Variants in PRKCA observed in about 807,000 individuals in gnomAD.
The protein encoded by PRKCA is protein kinase C alpha type.
A neutral mutation model predicts 87.0 loss-of-function variants in PRKCA; 27 were observed. That is an observed-to-expected ratio of 0.31 (90% CI 0.23 to 0.43). The LOEUF is 0.43. Among genes scored for constraint, PRKCA ranks in the 20% least tolerant of loss-of-function variants. The pLI is 1.00. For synonymous variants in PRKCA, 329 were observed against 311.1 expected, an observed-to-expected ratio of 1.06 and a Z score of -0.61; for missense variants, 518 against 852.3, an observed-to-expected ratio of 0.61 and a Z score of 4.88.
chr17:66,516,172 T>G (rs1190863075), intron 3 of PRKCA, among the ~76,000 whole-genome samples: 1 of 152,120 alleles, frequency 6.6e-6, no homozygotes, highest in African/African-American at 2.4e-5. Flanking sequence ...GAGGCGGGGC[T>G]CCTCTGTGGG....
At chr17:66,556,660 C>G (rs1968504920) in intron 3 of PRKCA, among the ~76,000 whole-genome samples, 1 of 152,164 alleles carries the variant, frequency 6.6e-6, no homozygotes, top group Non-Finnish European at 1.5e-5. Context: ...TTTTCCCATG[C>G]TGTTCTCATG....
At chr17:66,467,955 C>G (rs1012859156) in intron 2 of PRKCA, among the ~76,000 whole-genome samples, 3 of 151,768 alleles carry the variant, frequency 2.0e-5, no homozygotes, top group African/African-American at 4.8e-5. Flanking sequence ...AACAAGTTAT[C>G]TTTCCTTGCT....
chr17:66,706,479 CAAA>C (rs398031367), intron 8 of PRKCA, among the ~76,000 whole-genome samples: 1 of 142,814 alleles, frequency 7.0e-6, no homozygotes, highest in Non-Finnish European at 1.5e-5. Context: ...ACTAAAAATA[CAAA>C]AAAAAAAAAA....
At chr17:66,552,778 A>G (rs1418541664) in intron 3 of PRKCA, among the ~76,000 whole-genome samples, 1 of 152,052 alleles carries the variant, frequency 6.6e-6, no homozygotes, top group Admixed American at 6.6e-5. Flanking sequence ...ACACTCAAGG[A>G]GAGACTACAC....
chr17:66,765,430 A>ATCTATATATCTATATCTATATC lies in PRKCA; in HGVS notation c.1525-8556_1525-8555insCTATATATCTATATCTATATCT, dbSNP rs1568020939. On this transcript the variant is annotated intron_variant, in intron 13 of 16. Transcript: ENST00000413366. ...AGCAAGACTTTGTCTATATATATAT[A>ATCTATATATCTATATCTATATC]TATATATATATATATATATATATAT... 4.1e-4 allele frequency among the ~76,000 whole-genome samples: 54 copies of ATCTATATATCTATATCTATATC among 130,880 alleles called. 2 individuals carry two copies. Among genetic ancestry groups the ATCTATATATCTATATCTATATC allele is most frequent in the African/African-American group, 1.3e-3 (45 of 34,248 alleles). 85.9% of individuals were successfully genotyped at this position (130,880 alleles called of 152,430 possible).
intron 2 of PRKCA, among the ~76,000 whole-genome samples, chr17:66,434,505 A>AG (rs1913264423): frequency 6.6e-6 from 1 of 152,128 alleles, no homozygotes; most frequent in Non-Finnish European, 1.5e-5. Context: ...AGGATGCTTA[A>AG]TTCATTCCAG....
At chr17:66,406,051 G>A (rs1247163370) in intron 2 of PRKCA, among the ~76,000 whole-genome samples, 1 of 152,152 alleles carries the variant, frequency 6.6e-6, no homozygotes, top group Admixed American at 6.5e-5. Flanking sequence ...AGTTTGCTCT[G>A]TCATCATCGA....
At chr17:66,443,924 G>A (rs944386538) in intron 2 of PRKCA, among the ~76,000 whole-genome samples, 4 of 152,136 alleles carry the variant, frequency 2.6e-5, no homozygotes, top group Non-Finnish European at 5.9e-5. Context: ...AAACGCAGGC[G>A]GTCAGGAAAT....
At chr17:66,661,272 A>G (rs1037160937) in intron 5 of PRKCA, among the ~76,000 whole-genome samples, 80 of 146,826 alleles carry the variant, frequency 5.4e-4, no homozygotes, top group African/African-American at 1.8e-3. Context: ...ACCCTGGACC[A>G]ATGGACTGTG....
At chr17:66,444,091 A>C (rs1913909878) in intron 2 of PRKCA, among the ~76,000 whole-genome samples, 1 of 152,180 alleles carries the variant, frequency 6.6e-6, no homozygotes, top group African/African-American at 2.4e-5. Flanking sequence ...ATTGTGACTC[A>C]AATGCCAGTT....
At chr17:66,444,140 A>C (rs905853442) in intron 2 of PRKCA, among the ~76,000 whole-genome samples, 4 of 152,226 alleles carry the variant, frequency 2.6e-5, no homozygotes, top group African/African-American at 9.6e-5. Flanking sequence ...GTAAATACTC[A>C]TGGATTCAAA....
chr17:66,771,062 G>A (rs1974923114), intron 13 of PRKCA, among the ~76,000 whole-genome samples: 1 of 150,528 alleles, frequency 6.6e-6, no homozygotes, highest in East Asian at 1.9e-4. Context: ...GGAGTGCAGT[G>A]GGGGCGATCT....
chr17:66,755,226 A>G (rs1196157912), intron 13 of PRKCA, among the ~76,000 whole-genome samples: 1 of 152,184 alleles, frequency 6.6e-6, no homozygotes, highest in Non-Finnish European at 1.5e-5. Context: ...GGATCGCAGA[A>G]AATCGCACCC....
intron 16 of PRKCA, among the ~76,000 whole-genome samples, chr17:66,797,822 A>G (rs1056118818): frequency 6.6e-6 from 1 of 152,190 alleles, no homozygotes; most frequent in African/African-American, 2.4e-5. Context: ...TCTCTGTCCC[A>G]TACCCATCGT....
In PRKCA at chr17:66,713,177, G is replaced by A. The variant is rs528489797; in HGVS notation, c.919-19511G>A. 4.2e-4 allele frequency among the ~76,000 whole-genome samples: 62 copies of A among 148,180 alleles called. No individual in the cohort carries two copies. In the South Asian group the frequency reaches 0.011, roughly 27 times the overall value. ...AGCAATTCTCCTGCCTCAGTCTACC[G>A]AGTAGCTGGGACTACAGGCACGCGC... On this transcript the variant is annotated intron_variant, in intron 8 of 16. Transcript: ENST00000413366.
intron 8 of PRKCA, among the ~76,000 whole-genome samples, chr17:66,704,536 G>A (rs914716173): frequency 2.0e-5 from 3 of 152,148 alleles, no homozygotes; most frequent in African/African-American, 7.2e-5. Flanking sequence ...CTCATGCAGA[G>A]AAATATGTGT....
intron 13 of PRKCA, among the ~76,000 whole-genome samples, chr17:66,744,574 G>A (rs1307875800): frequency 6.6e-6 from 1 of 152,184 alleles, no homozygotes; most frequent in Non-Finnish European, 1.5e-5. Context: ...AGGAACAACA[G>A]TGTCCAGTAG....
At chr17:66,735,310 A>C (rs1386432446) in intron 9 of PRKCA, among the ~76,000 whole-genome samples, 179 bp from the exon 10 acceptor site, 1 of 152,140 alleles carries the variant, frequency 6.6e-6, no homozygotes, top group Non-Finnish European at 1.5e-5. Context: ...TGCTGGAGGG[A>C]CTGAATTTGT....
intron 3 of PRKCA, among the ~76,000 whole-genome samples, chr17:66,552,799 G>A (rs1043355660): frequency 1.3e-5 from 2 of 152,150 alleles, no homozygotes; most frequent in African/African-American, 2.4e-5. Flanking sequence ...AAGGGCATGA[G>A]CACCAGGAGG....
Sources: gnomAD v4.1 joint callset for allele counts (sites outside exome capture counted in the v4.1 genomes callset) on GRCh38, gnomAD v4.1.1 for gene constraint, MANE v1.5 for transcripts, NCBI Gene and HGNC (gene_info 2026-07-23, HGNC 2026-07-21) for gene names.